The following PRR12 variants were observed in gnomAD, a reference collection of about 807,000 sequenced individuals.
The protein encoded by PRR12 is proline rich 12.
PRR12 carries 12 observed loss-of-function variants against 138.0 expected under a neutral mutation model. The ratio of observed to expected loss-of-function variants is 0.09; its 90% CI spans 0.06 to 0.14. The LOEUF is 0.14. PRR12 is among the 10% of genes least tolerant of loss of function. The probability of loss-of-function intolerance (pLI) is 1.00; values close to 1 mark genes in which losing one functional copy is unlikely to be tolerated. For synonymous variants in PRR12, 1,567 were observed against 1,291.7 expected, an observed-to-expected ratio of 1.21 and a Z score of -4.57; for missense variants, 2,692 against 2,861.3, an observed-to-expected ratio of 0.94 and a Z score of 1.35.
intron 6 of PRR12, among the ~76,000 whole-genome samples, chr19:49,612,798 G>A (rs1412251139): frequency 6.6e-6 from 1 of 151,976 alleles, no homozygotes; most frequent in Admixed American, 6.6e-5. Flanking sequence ...CCAAGTAGCT[G>A]GGAGTACAGG....
rs1258048574 is a variant in PRR12 at position 49,596,932 on chromosome 19, C to G, written c.2597C>G (p.Pro866Arg). 1 of 1,549,242 alleles carries G rather than the reference C, an allele frequency of 6.5e-7. No homozygotes were observed. The highest frequency in any genetic ancestry group is 8.7e-7 in the Non-Finnish European group (1 of 1,153,546). Residue 866 changes from proline to arginine, a missense_variant, in exon 4 of 14, where the codon CCC becomes CGC. By Grantham distance (103) the Pro-to-Arg change is moderately radical. This residue lies in a region of PRR12 where 840 missense variants were observed against 689.8 expected (regional missense o/e 1.22). Transcript: ENST00000418929. This position sits in a 1 kb window ranked among gnomAD's most constrained non-coding sequence, Gnocchi z 5.6. ...SHGLEPAAPS[P>R]RLRPEESLDP... ...GGCCTGGAGCCCGCGGCCCCCAGCC[C>G]CCGCCTGCGACCCGAGGAGAGCCTG...
intron 2 of PRR12, 81 bp downstream of exon 2, chr19:49,593,520 C>T: frequency 1.4e-6 from 1 of 691,046 alleles, no homozygotes; most frequent in Non-Finnish European, 2.5e-6. Context: ...AAAGTTCCGC[C>T]CCTCCTAATT....
chr19:49,622,924 T>TAA (rs1296077375), intron 11 of PRR12, among the ~76,000 whole-genome samples: 1 of 84,730 alleles, frequency 1.2e-5, no homozygotes, highest in Non-Finnish European at 2.3e-5. Context: ...TATATATATA[T>TAA]ATATAGAGAG....
In PRR12 at chr19:49,625,592, C is replaced by A. The variant is rs769185484; in HGVS notation, c.6096C>A (p.His2032Gln). ...FSDLLAQAQA[H>Q]SRCG ...ACCTGCTGGCCCAAGCACAGGCCCACAGCCGCTGCGGGTGACCCCGCCCCA... is the reference window on the plus strand; with the variant it reads ...ACCTGCTGGCCCAAGCACAGGCCCAAAGCCGCTGCGGGTGACCCCGCCCCA... Residue 2032 changes from histidine to glutamine, a missense_variant, in exon 14 of 14, where the codon CAC becomes CAA. Physicochemically the swap from His to Gln is conservative, Grantham distance 24. Around this residue, in one of 11 missense-constraint regions of PRR12, gnomAD observed 116 missense variants for 243.4 expected, o/e 0.48. Coordinates refer to ENST00000418929, the MANE Select transcript of PRR12 (RefSeq NM_020719.3). The surrounding 1 kb of genome is among the most constrained non-coding windows in gnomAD (Gnocchi z 5.5). 2 of 1,608,372 alleles carry A rather than the reference C, an allele frequency of 1.2e-6. No homozygotes were observed. Among genetic ancestry groups the A allele is most frequent in the South Asian group, 1.1e-5 (1 of 90,616 alleles).
chr19:49,599,938 G>A lies in PRR12; in HGVS notation c.4345G>A (p.Glu1449Lys), dbSNP rs747927122. ...CAGTGCCAACAGCAATGGCACTCCC[G>A]GTGAGCTCTGGGCAGGTGGTCTGGG... ...LPSANSNGTPEPPLLEEKPPP... is the reference protein window; with the variant it reads ...LPSANSNGTPKPPLLEEKPPP... Residue 1449 changes from glutamate (E) to lysine (K), a missense_variant and splice_region_variant, in exon 5 of 14, where the codon GAG (glutamate) becomes AAG (lysine). Transcript: ENST00000418929. The surrounding 1 kb of genome is among the most constrained non-coding windows in gnomAD (Gnocchi z 5.0). 5.6e-6 allele frequency: 9 copies of A among 1,595,312 alleles called. No individual in the cohort carries two copies. Among genetic ancestry groups the A allele is most frequent in the Admixed American group, 3.4e-5 (2 of 58,642 alleles).
chr19:49,624,328 G>T (rs763708060), intron 11 of PRR12, among the ~76,000 whole-genome samples: 1 of 143,810 alleles, frequency 7.0e-6, no homozygotes, highest in Non-Finnish European at 1.5e-5. Context: ...GAATTCTGGG[G>T]TAGGTGGTTA....
chr19:49,597,852 A>G lies in PRR12; in HGVS notation c.3517A>G (p.Arg1173Gly). 6.8e-7 allele frequency: 1 copy of G among 1,471,810 alleles called. No individual in the cohort carries two copies. The highest frequency in any genetic ancestry group is 9.0e-7 in the Non-Finnish European group (1 of 1,112,950). The allele number at this position is 1,471,810 out of a possible 1,614,324, so 91.2% of individuals were successfully genotyped here. Residue 1173 changes from arginine (R) to glycine (G), a missense_variant, in exon 4 of 14, where the codon AGG becomes GGG. By Grantham distance (125) the Arg-to-Gly change is moderately radical (BLOSUM62 -2). Transcript: ENST00000418929. The surrounding 1 kb of genome is among the most constrained non-coding windows in gnomAD (Gnocchi z 6.3). ...TGATGGGCCACCCCGGCCACGGGGGAGGCCCCGGATCCGCCCCCTGGAGGT... is the reference window on the plus strand; with the variant it reads ...TGATGGGCCACCCCGGCCACGGGGGGGGCCCCGGATCCGCCCCCTGGAGGT... ...KRDGPPRPRG[R>G]PRIRPLEVPT...
chr19:49,595,721 AG>A lies in PRR12; in HGVS notation c.1392del (p.Gln465ArgfsTer5). The A allele has an allele frequency of 6.3e-7, 1 of 1,591,858 alleles. No homozygotes were observed. The highest frequency in any genetic ancestry group is 8.6e-7 in the Non-Finnish European group (1 of 1,169,512). On this transcript the variant is annotated frameshift_variant, in exon 4 of 14. Transcript: ENST00000418929. LOFTEE classifies it high-confidence loss of function. ...GPQAYGQGFG[G>X]GQAQDLSKAP... ...CCCAGGCCTACGGGCAAGGGTTTGG[AG>A]GGGGGCAGGCACAGGACTTGAGCAA...
rs1323007430 is a variant in PRR12, at chr19:49,597,368, C to T, written c.3033C>T (p.Asp1011=). Residue 1011 remains aspartate (D), a synonymous_variant, in exon 4 of 14, where the codon GAC becomes GAT. Coordinates refer to ENST00000418929, the MANE Select transcript of PRR12 (RefSeq NM_020719.3). The surrounding 1 kb of genome is among the most constrained non-coding windows in gnomAD (Gnocchi z 6.3). ...AGPETPGLGL[D]PNKPPELPST... ...CCGAGACACCGGGCCTGGGCCTGGA[C>T]CCCAACAAACCGCCTGAACTGCCCT... is the stretch of plus-strand genomic sequence containing the variant. 1.3e-6 allele frequency: 2 copies of T among 1,538,192 alleles called. No individual in the cohort carries two copies. The highest frequency in any genetic ancestry group is 2.0e-5 in the Admixed American group (1 of 50,976).
In PRR12 at chr19:49,616,938, G is replaced by A. The variant is rs2080896021; in HGVS notation, c.5497+719G>A. 6.6e-6 allele frequency among the ~76,000 whole-genome samples: 1 copy of A among 152,118 alleles called. No individual in the cohort carries two copies. Among genetic ancestry groups the A allele is most frequent in the African/African-American group, 2.4e-5 (1 of 41,412 alleles). On this transcript the variant is annotated intron_variant, in intron 9 of 13. Coordinates refer to ENST00000418929, the MANE Select transcript of PRR12 (RefSeq NM_020719.3). This position sits in a 1 kb window ranked among gnomAD's most constrained non-coding sequence, Gnocchi z 4.2. ...GAGGTCAGGAGTTCAAGACCAGCCT[G>A]ACCAACATGGTGAAATCCCGGCTTT...
chr19:49,591,227 G>A lies in PRR12; in HGVS notation c.-428G>A, dbSNP rs1166638530. Among the ~76,000 whole-genome samples the A allele has an allele frequency of 7.2e-6, 1 of 138,378 alleles. No homozygotes were observed. The highest frequency in any genetic ancestry group is 1.5e-5 in the Non-Finnish European group (1 of 64,712). 90.8% of individuals were successfully genotyped at this position (138,378 alleles called of 152,430 possible). A position where few individuals can be genotyped will look rare whatever the true frequency, so the allele number is the denominator to read the frequency against. The stretch of plus-strand genomic sequence containing the variant: ...GTGCAAAGATGGCTGCACCGTGAGC[G>A]CAGAGGAGGAGGAGGCGGCGGCGGC... On this transcript the variant is annotated 5_prime_UTR_variant, in exon 1 of 14. Coordinates refer to ENST00000418929, the MANE Select transcript of PRR12 (RefSeq NM_020719.3).
At position 49,596,343 on chromosome 19, in the gene PRR12, G is replaced by T. The variant is rs779027329; in HGVS notation, c.2008G>T (p.Ala670Ser). 6.2e-7 allele frequency: 1 copy of T among 1,609,818 alleles called. No homozygotes were observed. The highest frequency in any genetic ancestry group is 2.2e-5 in the East Asian group (1 of 44,838). ...GGTGGGCGAGGACGGGGCAGCAGAT[G>T]CCTCTAAGGGACTTGGGGGGAGTGG... ...GLVGEDGAAD[A>S]SKGLGGSGGA... Residue 670 changes from alanine (A) to serine (S), a missense_variant, in exon 4 of 14, where the codon GCC (alanine) becomes TCC (serine). Physicochemically the swap from Ala to Ser is moderately conservative, Grantham distance 99. This residue lies in a region of PRR12 where 840 missense variants were observed against 689.8 expected (regional missense o/e 1.22). Coordinates refer to ENST00000418929, the MANE Select transcript of PRR12 (RefSeq NM_020719.3). The surrounding 1 kb of genome is among the most constrained non-coding windows in gnomAD (Gnocchi z 5.6).
At chr19:49,591,814 G>A in intron 1 of PRR12, 74 bp downstream of exon 1, 1 of 762,248 alleles carries the variant, frequency 1.3e-6, no homozygotes, top group Non-Finnish European at 1.8e-6. Context: ...GGGCCGGGCC[G>A]GGCCCGCCCG....
rs2080749047 is a variant in PRR12, at chr19:49,594,252, T to C, written c.200-202T>C. On this transcript the variant is annotated intron_variant, in intron 2 of 13. Transcript: ENST00000418929. This position sits in a 1 kb window ranked among gnomAD's most constrained non-coding sequence, Gnocchi z 5.6. ...ATGACTGGATTGCCCCTTGTCTTGC[T>C]TTACTGTCTCACCTTTCCCCCTTCC... 6.6e-6 allele frequency among the ~76,000 whole-genome samples: 1 copy of C among 152,186 alleles called. No individual in the cohort carries two copies. Among genetic ancestry groups the C allele is most frequent in the Non-Finnish European group, 1.5e-5 (1 of 68,032 alleles).
rs761969987 is a variant in PRR12, at chr19:49,594,691, C to T, written c.362-6C>T. 28 of 1,612,082 alleles carry T rather than the reference C, an allele frequency of 1.7e-5. No individual in the cohort carries two copies. The highest frequency in any genetic ancestry group is 3.3e-5 in the Admixed American group (2 of 59,940). On this transcript the variant is annotated splice_region_variant and splice_polypyrimidine_tract_variant and intron_variant, in intron 3 of 13. Transcript: ENST00000418929. This position sits in a 1 kb window ranked among gnomAD's most constrained non-coding sequence, Gnocchi z 5.6. ...CTCTCTGACGCGCGGTCTTCCTCATCTCCAGCCATGCACACGCCAGGCCCC... is the reference window on the plus strand; with the variant it reads ...CTCTCTGACGCGCGGTCTTCCTCATTTCCAGCCATGCACACGCCAGGCCCC...
chr19:49,624,729 GTC>G, intron 11 of PRR12, 113 bp from the exon 12 acceptor site: 1 of 1,445,584 alleles, frequency 6.9e-7, no homozygotes, highest in Non-Finnish European at 9.2e-7. Context: ...GACTCTAGTT[GTC>G]TCTCCTGATC....
intron 5 of PRR12, among the ~76,000 whole-genome samples, chr19:49,600,872 G>A (rs929895498): frequency 2.6e-5 from 4 of 151,808 alleles, no homozygotes; most frequent in East Asian, 1.9e-4. Context: ...CTACAGGCGC[G>A]CACCACCATG....
At position 49,597,040 on chromosome 19, in the gene PRR12, C is replaced by T; in HGVS notation, c.2705C>T (p.Pro902Leu). 1 of 1,555,746 alleles carries T rather than the reference C, an allele frequency of 6.4e-7. No homozygotes were observed. Among genetic ancestry groups the T allele is most frequent in the East Asian group, 2.4e-5 (1 of 41,366 alleles). ...PAPGDTGVGPPNSEGKDPAGA... is the reference protein window; with the variant it reads ...PAPGDTGVGPLNSEGKDPAGA... ...CCTGGGGATACTGGCGTAGGCCCAC[C>T]AAACTCGGAGGGCAAGGATCCCGCA... The change falls in exon 4 of 14, where the codon CCA becomes CTA. Residue 902 changes from proline (P) to leucine (L), a missense_variant. Physicochemically the swap from Pro to Leu is moderately conservative, Grantham distance 98. Around this residue, in one of 11 missense-constraint regions of PRR12, gnomAD observed 840 missense variants for 689.8 expected, o/e 1.22. Transcript: ENST00000418929. The surrounding 1 kb of genome is among the most constrained non-coding windows in gnomAD (Gnocchi z 6.3).
intron 6 of PRR12, among the ~76,000 whole-genome samples, chr19:49,604,022 T>C (rs2080825859): frequency 6.6e-6 from 1 of 151,938 alleles, no homozygotes; most frequent in African/African-American, 2.4e-5. Context: ...GGTTTCAGCA[T>C]CTTGGCCAGG....
Sources: allele counts gnomAD v4.1 joint callset (sites outside exome capture counted in the v4.1 genomes callset), GRCh38; gene constraint gnomAD v4.1.1; regional missense constraint gnomAD v4.1.1; non-coding constraint Gnocchi (gnomAD v3.1); transcripts MANE v1.5; gene names NCBI Gene and HGNC (gene_info 2026-07-23, HGNC 2026-07-21).